The following FN1 variants were observed in gnomAD, a reference collection of about 807,000 sequenced individuals.
FN1 encodes fibronectin.
FN1 carries 106 observed loss-of-function variants against 297.3 expected under a neutral mutation model. That is an observed-to-expected ratio of 0.36 (90% CI 0.30 to 0.42). FN1 has a LOEUF of 0.42. FN1 is among the 10% of genes least tolerant of loss of function. The pLI, the probability that FN1 is intolerant of heterozygous loss-of-function variation, is 1.00. For missense variants in FN1, 2,690 were observed against 3,124.9 expected, an observed-to-expected ratio of 0.86 and a Z score of 3.32; for synonymous variants, 1,149 against 1,152.6, an observed-to-expected ratio of 1.00 and a Z score of 0.06.
chr2:215,386,075 C>CATTTTTTT lies in FN1; in HGVS notation c.4612+613_4612+614insAAAAAAAT, dbSNP rs1339170607. On this transcript the variant is annotated intron_variant, in intron 28 of 45. Transcript: ENST00000354785. ...ACAAGCGTGAGCCATTGCGCCTGGC[C>CATTTTTTT]CTTTTTTTTTTTTTTTTTTTGAGAC... 1.8e-4 allele frequency among the ~76,000 whole-genome samples: 20 copies of CATTTTTTT among 111,686 alleles called. No individual in the cohort carries two copies. In the Admixed American group the frequency reaches 2.1e-3, roughly 11 times the overall value. 73.3% of individuals were successfully genotyped at this position (111,686 alleles called of 152,430 possible).
intron 23 of FN1, among the ~76,000 whole-genome samples, chr2:215,394,989 C>G (rs549242947): frequency 6.6e-6 from 1 of 152,258 alleles, no homozygotes; most frequent in South Asian, 2.1e-4. Flanking sequence ...CTTCAACCTC[C>G]GCCAAGATCC....
At chr2:215,373,121 GAAA>G (rs1269187088) in intron 39 of FN1, among the ~76,000 whole-genome samples, 198 bp downstream of exon 39, 1 of 151,276 alleles carries the variant, frequency 6.6e-6, no homozygotes, top group African/African-American at 2.4e-5. Context: ...CTGTAGTAAA[GAAA>G]AAAAATAAAA....
intron 26 of FN1, among the ~76,000 whole-genome samples, chr2:215,389,790 AAAAACAAAAC>A (rs147568318): frequency 0.45 from 68,648 of 151,232 alleles, 16,220 homozygotes; most frequent in East Asian, 0.83. Context: ...ACTCCGTCTC[AAAAACAAAAC>A]AAAACAAAAC....
intron 10 of FN1, among the ~76,000 whole-genome samples, chr2:215,421,456 C>T (rs1469635132): frequency 1.3e-5 from 2 of 152,118 alleles, no homozygotes; most frequent in African/African-American, 2.4e-5. Flanking sequence ...TTATTACTCC[C>T]GGATGGTGTT....
chr2:215,362,897 G>A (rs947986632), intron 44 of FN1: 7 of 152,452 alleles, frequency 4.6e-5, no homozygotes, highest in Non-Finnish European at 8.8e-5. Context: ...GAGCAAGAGG[G>A]AGTCCGGGCG....
chr2:215,392,160 A>G (rs1575486089), intron 25 of FN1: 1 of 286,156 alleles, frequency 3.5e-6, no homozygotes, highest in East Asian at 9.3e-5. Flanking sequence ...GCAAAGAGAA[A>G]CATAGCAGTA....
At chr2:215,432,044 T>A in intron 3 of FN1, 80 bp from the exon 4 acceptor site, 2 of 1,577,620 alleles carry the variant, frequency 1.3e-6, no homozygotes, top group Non-Finnish European at 1.7e-6. Flanking sequence ...CCATGGTAGG[T>A]ACTTAGGTTG....
intron 15 of FN1, among the ~76,000 whole-genome samples, chr2:215,409,165 C>T (rs1407084362): frequency 6.6e-6 from 1 of 152,086 alleles, no homozygotes; most frequent in African/African-American, 2.4e-5. Context: ...CTTACGATGG[C>T]ACACACTTCA....
intron 20 of FN1, among the ~76,000 whole-genome samples, chr2:215,401,160 A>AT (rs2060971580): frequency 1.9e-5 from 1 of 51,496 alleles, no homozygotes; most frequent in Non-Finnish European, 4.7e-5. Context: ...CAAAAATAAG[A>AT]AAGAAAGAAA....
chr2:215,379,968 T>C (rs1334456974), intron 33 of FN1: 1 of 152,966 alleles, frequency 6.5e-6, no homozygotes, highest in East Asian at 1.9e-4. Context: ...AGCACTAGGA[T>C]TACATGTGTG....
chr2:215,369,549 C>G (rs1163486354), intron 41 of FN1, among the ~76,000 whole-genome samples: 3 of 152,168 alleles, frequency 2.0e-5, no homozygotes, highest in Admixed American at 1.3e-4. Flanking sequence ...GTAGAGAACT[C>G]TCCTGTTGGA....
intron 32 of FN1, chr2:215,381,787 T>A: frequency 3.4e-6 from 1 of 294,214 alleles, no homozygotes; most frequent in Non-Finnish European, 6.6e-6. Context: ...TACACTCTTC[T>A]TTTCCCCTCT....
At chr2:215,375,120 A>G in intron 38 of FN1, 94 bp downstream of exon 38, 1 of 1,256,968 alleles carries the variant, frequency 8.0e-7, no homozygotes, top group Non-Finnish European at 1.2e-6. Context: ...TCGCATTCTC[A>G]TGACACAGTA....
Position 215,379,300 on chromosome 2 carries a change from C to T in FN1, c.5452G>A (p.Asp1818Asn), listed in dbSNP as rs1374346413. The T allele has an allele frequency of 6.2e-7, 1 of 1,613,840 alleles. No individual in the cohort carries two copies. The highest frequency in any genetic ancestry group is 2.2e-5 in the East Asian group (1 of 44,884). Reference sequence around the variant, plus strand: ...GGTGTGACCTGAGTGAACTTCAGGTCAGTTGGTGCAGGAATAGCTGTCGAG... The same window carrying T: ...GGTGTGACCTGAGTGAACTTCAGGTTAGTTGGTGCAGGAATAGCTGTCGAG... ...TQSTAIPAPT[D>N]LKFTQVTPTS... The change falls in exon 34 of 46, where the codon GAC becomes AAC. Residue 1818 changes from aspartate to asparagine, a missense_variant. By Grantham distance (23) the Asp-to-Asn change is conservative (BLOSUM62 1). Around this residue, in one of 3 missense-constraint regions of FN1, gnomAD observed 1,743 missense variants for 1,945.2 expected, o/e 0.90. Coordinates refer to ENST00000354785, the MANE Select transcript of FN1 (RefSeq NM_212482.4).
intron 13 of FN1, among the ~76,000 whole-genome samples, chr2:215,411,727 C>T (rs532355551): frequency 2.0e-5 from 3 of 146,600 alleles, no homozygotes; most frequent in Non-Finnish European, 3.0e-5. Context: ...AGTGCAGTGG[C>T]GTGATCCTGG....
rs972525475 is a variant in FN1 at position 215,394,799 on chromosome 2, T to C, written c.3605-80A>G. ...TATTTAACTAGACTCCAATGATGGATTCACAGGGCGGAATGCAGGACTTGG... is the reference window on the plus strand; with the variant it reads ...TATTTAACTAGACTCCAATGATGGACTCACAGGGCGGAATGCAGGACTTGG... On this transcript the variant is annotated intron_variant, in intron 23 of 45. Transcript: ENST00000354785. The C allele has an allele frequency of 1.4e-5, 15 of 1,106,266 alleles. No homozygotes were observed. In the African/African-American group the frequency reaches 2.0e-4, roughly 15 times the overall value. The allele number at this position is 1,106,266 out of a possible 1,614,324, so 68.5% of individuals were successfully genotyped here.
chr2:215,371,138 C>T (rs541043862), intron 40 of FN1, among the ~76,000 whole-genome samples: 1 of 152,100 alleles, frequency 6.6e-6, no homozygotes, highest in South Asian at 2.1e-4. Flanking sequence ...TGCGGTGGCA[C>T]ATGCCTGTAA....
intron 10 of FN1, among the ~76,000 whole-genome samples, chr2:215,421,529 A>T (rs1404433524): frequency 6.6e-6 from 1 of 152,226 alleles, no homozygotes; most frequent in African/African-American, 2.4e-5. Context: ...AGCCACATAG[A>T]TTATTAATAG....
chr2:215,404,388 C>G lies in FN1; in HGVS notation c.3253+1G>C. On this transcript the variant is annotated splice_donor_variant, in intron 20 of 45. Transcript: ENST00000354785. LOFTEE classifies it high-confidence loss of function. ...GAAAAGGCACTTAATTTTCAGCTTA[C>G]GTGTGGTAAAGACTCCAGTGGCTTT... is the stretch of plus-strand genomic sequence containing the variant. The G allele has an allele frequency of 6.2e-7, 1 of 1,613,200 alleles. No individual in the cohort carries two copies. Among genetic ancestry groups the G allele is most frequent in the Non-Finnish European group, 8.5e-7 (1 of 1,179,570 alleles).
Sources: gnomAD v4.1 joint callset for allele counts (sites outside exome capture counted in the v4.1 genomes callset) on GRCh38, gnomAD v4.1.1 for gene constraint, gnomAD v4.1.1 regional missense constraint, MANE v1.5 for transcripts, NCBI Gene and HGNC (gene_info 2026-07-23, HGNC 2026-07-21) for gene names.